POM121C: variants seen among roughly 807,000 people sequenced by gnomAD.
POM121C encodes POM121 transmembrane nucleoporin C.
In POM121C, 20 loss-of-function variants were observed where a neutral mutation model predicts 66.4. The ratio of observed to expected loss-of-function variants is 0.30; its 90% confidence interval spans 0.21 to 0.44. The LOEUF (loss-of-function observed/expected upper bound fraction) is 0.44, where lower values mean the gene tolerates loss of function less well. POM121C is among the 20% of genes least tolerant of loss of function. The probability of loss-of-function intolerance (pLI) is 1.00; values close to 1 mark genes in which losing one functional copy is unlikely to be tolerated. For missense variants in POM121C, 580 were observed against 1,225.7 expected (o/e 0.47, Z 7.87); for synonymous variants, 286 against 528.0 (o/e 0.54, Z 6.28).
At chr7:75,438,043 G>T (rs1554473262) in intron 6 of POM121C, among the ~76,000 whole-genome samples, 5 of 152,112 alleles carry the variant, frequency 3.3e-5, no homozygotes, top group Non-Finnish European at 7.3e-5. Context: ...TGGTTCCACA[G>T]GTGTATGCGT....
chr7:75,485,398 T>C (rs1792486082), intron 1 of POM121C, among the ~76,000 whole-genome samples: 1 of 152,044 alleles, frequency 6.6e-6, no homozygotes, highest in Non-Finnish European at 1.5e-5. Context: ...GCCGGTGACC[T>C]GGTCAAGTCA....
At chr7:75,485,621 G>A (rs1554480764) in intron 1 of POM121C, among the ~76,000 whole-genome samples, 2 of 152,142 alleles carry the variant, frequency 1.3e-5, no homozygotes, top group African/African-American at 2.4e-5. Flanking sequence ...AGGGGTTAGC[G>A]GGGAGTGGAG....
intron 1 of POM121C, among the ~76,000 whole-genome samples, chr7:75,485,472 G>C (rs1280682598): frequency 6.6e-6 from 1 of 152,128 alleles, no homozygotes; most frequent in Non-Finnish European, 1.5e-5. Context: ...CCTGCAGACT[G>C]TTCCTGCATT....
intron 3 of POM121C, among the ~76,000 whole-genome samples, chr7:75,453,017 G>GT (rs1158505785): frequency 6.6e-6 from 1 of 152,120 alleles, no homozygotes; most frequent in Non-Finnish European, 1.5e-5. Context: ...AGAAACAGGT[G>GT]TGTGCTTCCA....
rs1257974894 is a variant in POM121C at position 75,442,507 on chromosome 7, G to A, written c.-151-860C>T. ...ACAAGGGGCGCGAACCTCGGGGCTC[G>A]CGGCTCAGTCCCCACCAGGCCGCGG... is the stretch of plus-strand genomic sequence containing the variant. On this transcript the variant is annotated intron_variant, in intron 3 of 14. Coordinates refer to ENST00000615331, the MANE Select transcript of POM121C (RefSeq NM_001099415.3). 14 of 1,423,410 alleles carry A rather than the reference G, an allele frequency of 9.8e-6. No individual in the cohort carries two copies. The Admixed American group carries it at 1.4e-4, about 14-fold the overall frequency. 88.2% of individuals were successfully genotyped at this position (1,423,410 alleles called of 1,614,324 possible).
chr7:75,417,390 G>A lies in POM121C; in HGVS notation c.*1406C>T. 5.7e-6 allele frequency: 5 copies of A among 869,906 alleles called. No individual in the cohort carries two copies. The highest frequency in any genetic ancestry group is 6.9e-6 in the Non-Finnish European group (5 of 724,312). The allele number at this position is 869,906 out of a possible 1,614,324, so 53.9% of individuals were successfully genotyped here. The stretch of plus-strand genomic sequence containing the variant: ...ACCACCTCAATGAACCAAGCTTGAA[G>A]GAATTTAAAAGGCAATTTAGCTTAA... On this transcript the variant is annotated 3_prime_UTR_variant, in exon 15 of 15. Transcript: ENST00000615331.
At chr7:75,480,752 G>C (rs1781256850) in intron 1 of POM121C, among the ~76,000 whole-genome samples, 1 of 152,028 alleles carries the variant, frequency 6.6e-6, no homozygotes, top group African/African-American at 2.4e-5. Context: ...GTATTAAACA[G>C]ACTTAAAAAG....
intron 3 of POM121C, among the ~76,000 whole-genome samples, chr7:75,454,694 AG>A (rs1466396457): frequency 6.6e-6 from 1 of 152,286 alleles, no homozygotes; most frequent in Middle Eastern, 3.2e-3. Flanking sequence ...GATAAAGTAA[AG>A]GAAGACTGGA....
Position 75,424,622 on chromosome 7 carries a change from G to A in POM121C, c.775C>T (p.Pro259Ser). 6.2e-7 allele frequency: 1 copy of A among 1,613,908 alleles called. No individual in the cohort carries two copies. The highest frequency in any genetic ancestry group is 8.5e-7 in the Non-Finnish European group (1 of 1,179,832). Reference sequence around the variant, plus strand: ...GTGATCGAATAGCCAAGCTGGGGAGGTGGAGGCTACCAAAGAGAAAAAGAA... The same window carrying A: ...GTGATCGAATAGCCAAGCTGGGGAGATGGAGGCTACCAAAGAGAAAAAGAA... ...RRGEQLTLPP[P>S]PQLGYSITAE... Residue 259 changes from proline (P) to serine (S), a missense_variant, in exon 11 of 15, where the codon CCT becomes TCT. Physicochemically the swap from Pro to Ser is moderately conservative, Grantham distance 74 (BLOSUM62 -1). Transcript: ENST00000615331.
At chr7:75,465,523 G>A (rs1791600511) in intron 3 of POM121C, among the ~76,000 whole-genome samples, 1 of 151,818 alleles carries the variant, frequency 6.6e-6, no homozygotes, top group Non-Finnish European at 1.5e-5. Flanking sequence ...GGGAGGCTGA[G>A]GCGGGTGGAT....
intron 3 of POM121C, among the ~76,000 whole-genome samples, chr7:75,473,832 G>T (rs1193992162): frequency 1.3e-5 from 2 of 151,214 alleles, no homozygotes; most frequent in Non-Finnish European, 3.0e-5. Flanking sequence ...GGGACTACAG[G>T]CGCCCGCCAC....
rs1373116060 is a variant in POM121C at position 75,418,513 on chromosome 7, C to T, written c.*283G>A. On this transcript the variant is annotated 3_prime_UTR_variant, in exon 15 of 15. Transcript: ENST00000615331. ...GTGCGCTAAGCGGGAGTCAGGGCAG[C>T]GGACACTATGTACAGGTCCTTAGTT... The T allele has an allele frequency of 1.9e-5, 23 of 1,183,430 alleles. No individual in the cohort carries two copies. The highest frequency in any genetic ancestry group is 8.6e-5 in the South Asian group (3 of 35,006). 73.3% of individuals were successfully genotyped at this position (1,183,430 alleles called of 1,614,324 possible).
chr7:75,417,109 T>G lies in POM121C; in HGVS notation c.*1687A>C. On this transcript the variant is annotated 3_prime_UTR_variant, in exon 15 of 15. Transcript: ENST00000615331. ...CCAGACCCTCCAATCCTAACAGGTA[T>G]TTAGGCTTGAGGTTCACTCCCTCCT... 1 of 1,024,818 alleles carries G rather than the reference T, an allele frequency of 9.8e-7. No individual in the cohort carries two copies. Among genetic ancestry groups the G allele is most frequent in the Non-Finnish European group, 1.2e-6 (1 of 851,092 alleles). 63.5% of individuals were successfully genotyped at this position (1,024,818 alleles called of 1,614,324 possible).
At chr7:75,457,020 G>GC in intron 3 of POM121C, among the ~76,000 whole-genome samples, 1 of 149,946 alleles carries the variant, frequency 6.7e-6, no homozygotes, top group South Asian at 2.1e-4. Context: ...GGTGGCAGGC[G>GC]CCTGTAATCC....
At chr7:75,463,567 A>G (rs1791522200) in intron 3 of POM121C, among the ~76,000 whole-genome samples, 1 of 151,892 alleles carries the variant, frequency 6.6e-6, no homozygotes, top group Non-Finnish European at 1.5e-5. Context: ...ATGTAAAAGA[A>G]GACACACTTT....
intron 1 of POM121C, among the ~76,000 whole-genome samples, chr7:75,476,323 C>T (rs1792075743): frequency 6.6e-6 from 1 of 151,996 alleles, no homozygotes; most frequent in African/African-American, 2.4e-5. Flanking sequence ...TGCAAAGCTC[C>T]TGGGCTCCAG....
At chr7:75,455,882 C>T (rs587604922) in intron 3 of POM121C, among the ~76,000 whole-genome samples, 16 of 152,186 alleles carry the variant, frequency 1.1e-4, no homozygotes, top group African/African-American at 3.6e-4. Flanking sequence ...TGATCCCTCA[C>T]ATAGGATATG....
At chr7:75,437,776 T>C in intron 6 of POM121C, 90 bp from the exon 7 acceptor site, 1 of 1,466,884 alleles carries the variant, frequency 6.8e-7, no homozygotes, top group Non-Finnish European at 9.1e-7. Flanking sequence ...CTTAATAACA[T>C]GAAGGGAAGA....
chr7:75,460,640 A>T (rs1791411896), intron 3 of POM121C, among the ~76,000 whole-genome samples: 1 of 152,128 alleles, frequency 6.6e-6, no homozygotes, highest in Admixed American at 6.5e-5. Flanking sequence ...CATGACCAGG[A>T]ACTCCTAACA....
Sources: allele counts gnomAD v4.1 joint callset (sites outside exome capture counted in the v4.1 genomes callset), GRCh38; gene constraint gnomAD v4.1.1; transcripts MANE v1.5; gene names NCBI Gene and HGNC (gene_info 2026-07-23, HGNC 2026-07-21).